The following CPM variants were observed in gnomAD, a reference collection of about 807,000 sequenced individuals.
The protein encoded by CPM is renal carboxypeptidase.
CPM carries 35 observed loss-of-function variants against 46.4 expected under a neutral mutation model. The observed-to-expected ratio is 0.75, with a 90% CI of 0.58 to 1.00. The LOEUF (loss-of-function observed/expected upper bound fraction) is 1.00, where lower values mean the gene tolerates loss of function less well. Ranked by LOEUF, CPM falls within the 50% of genes least tolerant of loss-of-function variation. The pLI, the probability that CPM is intolerant of heterozygous loss-of-function variation, is 0.00. For synonymous variants in CPM, 195 were observed against 195.3 expected (o/e 1.00, Z 0.01); for missense variants, 422 against 530.4 (o/e 0.80, Z 2.01).
chr12:68,878,645 T>G (rs1200002990), intron 3 of CPM, among the ~76,000 whole-genome samples: 3 of 152,194 alleles, frequency 2.0e-5, no homozygotes, highest in Admixed American at 6.5e-5. Context: ...TCTGAATTTT[T>G]GGGGAGACTG....
At chr12:68,920,811 C>T (rs1888008574) in intron 2 of CPM, among the ~76,000 whole-genome samples, 2 of 151,268 alleles carry the variant, frequency 1.3e-5, no homozygotes. Context: ...CCGCCTCAGA[C>T]TCCAGAGTAG....
intron 2 of CPM, among the ~76,000 whole-genome samples, chr12:68,911,751 C>T (rs1418088553): frequency 1.3e-5 from 2 of 152,188 alleles, no homozygotes; most frequent in Non-Finnish European, 2.9e-5. Flanking sequence ...CTCTCGACAA[C>T]CTACGAGGTA....
At chr12:68,846,450 G>A (rs539002331), downstream of CPM, 1 of 152,114 alleles carries the variant, frequency 6.6e-6, no homozygotes, top group African/African-American at 2.4e-5. Context: ...ATTTCTCAGG[G>A]TTAAATTTTA....
chr12:68,935,714 C>CA (rs1318627244), upstream of CPM, among the ~76,000 whole-genome samples: 1 of 151,574 alleles, frequency 6.6e-6, no homozygotes, highest in Non-Finnish European at 1.5e-5. Context: ...GTTTCCCTTT[C>CA]ATTGTTGTTC....
intron 1 of CPM, among the ~76,000 whole-genome samples, chr12:68,941,970 C>T (rs551105560): frequency 6.6e-6 from 1 of 152,142 alleles, no homozygotes; most frequent in Non-Finnish European, 1.5e-5. Flanking sequence ...TGTTAAGGTC[C>T]AAGATGATCC....
At chr12:68,888,447 C>A (rs1048977904) in intron 2 of CPM, among the ~76,000 whole-genome samples, 4 of 152,196 alleles carry the variant, frequency 2.6e-5, no homozygotes, top group African/African-American at 9.6e-5. Flanking sequence ...GAAAACCAAC[C>A]AACAGACCTG....
At chr12:68,949,146 G>A (rs1036056975) in intron 1 of CPM, among the ~76,000 whole-genome samples, 1 of 152,154 alleles carries the variant, frequency 6.6e-6, no homozygotes, top group African/African-American at 2.4e-5. Context: ...TGAGGTGGGT[G>A]GATCACTTGA....
chr12:68,886,327 AC>A (rs139242638), intron 2 of CPM, among the ~76,000 whole-genome samples: 76,780 of 133,398 alleles, frequency 0.58, 20,451 homozygotes, highest in Non-Finnish European at 0.65. Flanking sequence ...AGAAAAAAAA[AC>A]AACAGCAATA....
intron 3 of CPM, among the ~76,000 whole-genome samples, chr12:68,878,494 G>C (rs1886052393): frequency 6.6e-6 from 1 of 152,146 alleles, no homozygotes; most frequent in South Asian, 2.1e-4. Context: ...GGCTCATCTG[G>C]TCTTGTGGCC....
intron 1 of CPM, among the ~76,000 whole-genome samples, chr12:68,938,858 G>A (rs1888713415): frequency 6.7e-6 from 1 of 149,110 alleles, no homozygotes; most frequent in Non-Finnish European, 1.5e-5. Flanking sequence ...ATCTATATGT[G>A]TATATACATA....
chr12:68,874,656 C>G (rs892895540), intron 3 of CPM, among the ~76,000 whole-genome samples: 15 of 152,042 alleles, frequency 9.9e-5, no homozygotes, highest in Non-Finnish European at 1.8e-4. Flanking sequence ...GTTTAAGAAG[C>G]TTTCTCAGAA....
chr12:68,868,899 C>T (rs1359411307), intron 6 of CPM, among the ~76,000 whole-genome samples: 1 of 152,210 alleles, frequency 6.6e-6, no homozygotes, highest in Non-Finnish European at 1.5e-5. Flanking sequence ...CACATTTCTC[C>T]AAGCTCTTCA....
upstream of CPM, among the ~76,000 whole-genome samples, chr12:68,935,733 A>C (rs1366674061): frequency 6.6e-6 from 1 of 152,094 alleles, no homozygotes; most frequent in Non-Finnish European, 1.5e-5. Context: ...TCATTGACTA[A>C]GAGGTCTGAG....
chr12:68,891,617 G>C (rs966479966), intron 2 of CPM, among the ~76,000 whole-genome samples: 15 of 152,228 alleles, frequency 9.9e-5, no homozygotes, highest in African/African-American at 3.6e-4. Flanking sequence ...ATGGTACCAA[G>C]AGTATCAGTA....
intron 2 of CPM, among the ~76,000 whole-genome samples, chr12:68,909,809 G>C (rs2136290026): frequency 8.3e-6 from 1 of 120,112 alleles, no homozygotes; most frequent in South Asian, 3.1e-4. Flanking sequence ...CACAGGGAGG[G>C]AAACATCACA....
At chr12:68,910,192 A>G (rs1001138506) in intron 2 of CPM, among the ~76,000 whole-genome samples, 33 of 152,182 alleles carry the variant, frequency 2.2e-4, no homozygotes, top group Non-Finnish European at 4.4e-4. Context: ...TAAATGACCT[A>G]AAGACTCATC....
At chr12:68,866,717 C>T (rs1051540377) in intron 7 of CPM, 179 bp downstream of exon 7, 5 of 573,496 alleles carry the variant, frequency 8.7e-6, no homozygotes, top group Non-Finnish European at 1.2e-5. Flanking sequence ...TGAGTGGGCA[C>T]TGCATTTCTC....
chr12:68,882,541 G>A (rs1269691359), intron 3 of CPM, among the ~76,000 whole-genome samples: 1 of 152,132 alleles, frequency 6.6e-6, no homozygotes, highest in Non-Finnish European at 1.5e-5. Flanking sequence ...GTGTGAATGT[G>A]TCTTTATGGC....
intron 2 of CPM, among the ~76,000 whole-genome samples, chr12:68,910,263 T>TA (rs1265099636): frequency 1.3e-5 from 2 of 152,088 alleles, no homozygotes; most frequent in African/African-American, 2.4e-5. Context: ...TTGAAACAGT[T>TA]AAAAAAATGA....
Sources: allele counts gnomAD v4.1 joint callset (sites outside exome capture counted in the v4.1 genomes callset), GRCh38; gene constraint gnomAD v4.1.1; transcripts MANE v1.5; gene names NCBI Gene and HGNC (gene_info 2026-07-23, HGNC 2026-07-21).